FER: variants seen among roughly 807,000 people sequenced by gnomAD.
FER encodes the protein FER tyrosine kinase.
A neutral mutation model predicts 111.0 loss-of-function variants in FER; 63 were observed. The ratio of observed to expected loss-of-function variants is 0.57; its 90% CI spans 0.46 to 0.70. FER has a LOEUF of 0.70. FER is among the 30% of genes least tolerant of loss of function. FER has a pLI of 0.00. For synonymous variants in FER, 327 were observed against 313.9 expected (o/e 1.04, Z -0.44); for missense variants, 914 against 954.0 (o/e 0.96, Z 0.55).
intron 10 of FER, among the ~76,000 whole-genome samples, chr5:108,910,886 A>G (rs2150357949): frequency 6.6e-6 from 1 of 151,940 alleles, no homozygotes; most frequent in African/African-American, 2.4e-5. Flanking sequence ...TATCCAATCA[A>G]CTATTGGTGG....
chr5:109,090,259 C>G (rs1581981903), intron 16 of FER, among the ~76,000 whole-genome samples: 1 of 152,152 alleles, frequency 6.6e-6, no homozygotes, highest in African/African-American at 2.4e-5. Flanking sequence ...GCAAACTTCT[C>G]TAGGTGGGAA....
At chr5:108,796,044 A>G (rs1465308852) in intron 2 of FER, among the ~76,000 whole-genome samples, 2 of 152,194 alleles carry the variant, frequency 1.3e-5, no homozygotes, top group African/African-American at 4.8e-5. Context: ...CAGGTAATAC[A>G]AGGTACTTGG....
intron 13 of FER, among the ~76,000 whole-genome samples, chr5:109,017,670 G>T (rs1387451213): frequency 6.6e-6 from 1 of 151,810 alleles, no homozygotes; most frequent in African/African-American, 2.4e-5. Flanking sequence ...AGTTTTGGAG[G>T]ATATATATCA....
At chr5:108,853,090 G>A (rs144369673) in intron 5 of FER, among the ~76,000 whole-genome samples, 1 of 152,010 alleles carries the variant, frequency 6.6e-6, no homozygotes, top group African/African-American at 2.4e-5. Context: ...ATTAGTTTTG[G>A]ACTTAATTAC....
intron 1 of FER, among the ~76,000 whole-genome samples, chr5:108,767,749 TG>T (rs2149954845): frequency 6.6e-6 from 1 of 152,344 alleles, no homozygotes; most frequent in Admixed American, 6.5e-5. Flanking sequence ...TCCACAGTGT[TG>T]GGATTACAGG....
intron 10 of FER, among the ~76,000 whole-genome samples, chr5:108,925,274 A>C (rs889999293): frequency 1.3e-5 from 2 of 152,036 alleles, no homozygotes; most frequent in African/African-American, 4.8e-5. Context: ...CTGTCACCAA[A>C]GGAAACTAAT....
intron 17 of FER, among the ~76,000 whole-genome samples, chr5:109,122,032 A>G (rs1169317990): frequency 6.6e-6 from 1 of 151,816 alleles, no homozygotes. Context: ...AAAAAAAACA[A>G]CTTTTGTTTT....
At chr5:108,822,033 A>G (rs559336612) in intron 3 of FER, among the ~76,000 whole-genome samples, 1 of 152,254 alleles carries the variant, frequency 6.6e-6, no homozygotes, top group East Asian at 1.9e-4. Flanking sequence ...CCTGGCAATC[A>G]TCATTCTATT....
chr5:108,806,486 GC>G (rs1180486564), intron 3 of FER, among the ~76,000 whole-genome samples: 1 of 152,214 alleles, frequency 6.6e-6, no homozygotes, highest in Non-Finnish European at 1.5e-5. Flanking sequence ...TGCACTGTGT[GC>G]CTGGAAAAGC....
At chr5:109,148,638 A>T (rs140293301) in intron 17 of FER, among the ~76,000 whole-genome samples, 1,814 of 152,306 alleles carry the variant, frequency 0.012, 18 homozygotes, top group Non-Finnish European at 0.02. Flanking sequence ...CATTTTAGAA[A>T]GTTTTTCACT....
At chr5:109,099,106 T>TG (rs1310543546) in intron 16 of FER, among the ~76,000 whole-genome samples, 1 of 151,598 alleles carries the variant, frequency 6.6e-6, no homozygotes, top group Non-Finnish European at 1.5e-5. Context: ...GCTTAATATC[T>TG]GGGGGCCTAA....
At chr5:108,892,125 T>G (rs1748190919) in intron 9 of FER, among the ~76,000 whole-genome samples, 1 of 152,168 alleles carries the variant, frequency 6.6e-6, no homozygotes, top group Admixed American at 6.5e-5. Flanking sequence ...ACAATAAACA[T>G]ACGTGTGCAT....
At chr5:109,097,796 AG>A (rs1265103324) in intron 16 of FER, among the ~76,000 whole-genome samples, 1 of 151,714 alleles carries the variant, frequency 6.6e-6, no homozygotes, top group Non-Finnish European at 1.5e-5. Context: ...TTCTTGCTTC[AG>A]GGTTCTTAAT....
intron 10 of FER, among the ~76,000 whole-genome samples, chr5:108,915,053 A>G (rs1363944411): frequency 6.6e-6 from 1 of 152,220 alleles, no homozygotes; most frequent in East Asian, 1.9e-4. Flanking sequence ...ACCTGGTTTC[A>G]GAAGTCAGTG....
chr5:108,805,849 A>T (rs988129236), intron 3 of FER, among the ~76,000 whole-genome samples: 1 of 152,212 alleles, frequency 6.6e-6, no homozygotes. Flanking sequence ...GCAGAGCATA[A>T]AAGTTTGGAA....
intron 17 of FER, among the ~76,000 whole-genome samples, chr5:109,153,569 G>C (rs1291966894): frequency 1.3e-5 from 2 of 151,858 alleles, no homozygotes; most frequent in African/African-American, 4.8e-5. Flanking sequence ...GTGAGCACCA[G>C]AATCACTTCT....
At chr5:109,046,544 A>C (rs989201661) in intron 15 of FER, among the ~76,000 whole-genome samples, 4 of 152,156 alleles carry the variant, frequency 2.6e-5, no homozygotes, top group Non-Finnish European at 5.9e-5. Context: ...ATATTAAATT[A>C]AGGAGAATTG....
chr5:108,843,006 A>G (rs1362675907), intron 5 of FER: 1 of 152,258 alleles, frequency 6.6e-6, no homozygotes, highest in Non-Finnish European at 1.5e-5. Flanking sequence ...CCAAATGTCC[A>G]TCAATAAACA....
At chr5:109,093,889 A>C (rs1048613073) in intron 16 of FER, among the ~76,000 whole-genome samples, 2 of 152,198 alleles carry the variant, frequency 1.3e-5, no homozygotes, top group Non-Finnish European at 2.9e-5. Flanking sequence ...TCGAGCCAAC[A>C]TATTATACAT....
Sources: allele counts gnomAD v4.1 joint callset (sites outside exome capture counted in the v4.1 genomes callset), GRCh38; gene constraint gnomAD v4.1.1; transcripts MANE v1.5; gene names NCBI Gene and HGNC (gene_info 2026-07-23, HGNC 2026-07-21).